MFSD6: variants seen among roughly 807,000 people sequenced by gnomAD.
MFSD6 encodes the protein major facilitator superfamily domain-containing protein 6.
Under a neutral mutation model 56.3 loss-of-function variants are expected in MFSD6, and 26 were observed. The ratio of observed to expected loss-of-function variants is 0.46; its 90% CI spans 0.34 to 0.64. The LOEUF (loss-of-function observed/expected upper bound fraction) is 0.64. Among genes scored for constraint, MFSD6 ranks in the 30% least tolerant of loss-of-function variants. The pLI, the probability that MFSD6 is intolerant of heterozygous loss-of-function variation, is 0.01. For missense variants in MFSD6, 750 were observed against 986.2 expected, an observed-to-expected ratio of 0.76 and a Z score of 3.21; for synonymous variants, 331 against 366.9, an observed-to-expected ratio of 0.90 and a Z score of 1.12.
chr2:190,430,869 G>T (rs1359502376), intron 2 of MFSD6, among the ~76,000 whole-genome samples: 1 of 148,998 alleles, frequency 6.7e-6, no homozygotes, highest in East Asian at 2.0e-4. Context: ...CCTCCCGGAC[G>T]GGGCGGCTGC....
intron 1 of MFSD6, chr2:190,411,436 G>T: frequency 7.1e-6 from 7 of 980,362 alleles, no homozygotes; most frequent in Non-Finnish European, 8.5e-6. Context: ...GGGATTACAG[G>T]CATGAGCCAC....
At chr2:190,476,346 C>G (rs543706472) in intron 4 of MFSD6, among the ~76,000 whole-genome samples, 47 of 151,210 alleles carry the variant, frequency 3.1e-4, no homozygotes, top group African/African-American at 1.1e-3. Flanking sequence ...ACAAAGAACT[C>G]AAACAAATTT....
chr2:190,444,146 G>A (rs979774593), intron 3 of MFSD6, among the ~76,000 whole-genome samples: 1 of 152,210 alleles, frequency 6.6e-6, no homozygotes, highest in African/African-American at 2.4e-5. Flanking sequence ...TGTAGGATAT[G>A]TGTAAAAAAA....
At chr2:190,460,494 T>C (rs1303768990) in intron 3 of MFSD6, among the ~76,000 whole-genome samples, 5 of 152,230 alleles carry the variant, frequency 3.3e-5, no homozygotes, top group African/African-American at 1.2e-4. Flanking sequence ...TTAATTGATA[T>C]TCTATTTGAA....
chr2:190,462,512 T>C lies in MFSD6; in HGVS notation c.1533-7246T>C, dbSNP rs561646743. On this transcript the variant is annotated intron_variant, in intron 3 of 7. Coordinates refer to ENST00000392328, the MANE Select transcript of MFSD6 (RefSeq NM_017694.4). This position sits in a 1 kb window ranked among gnomAD's most constrained non-coding sequence, Gnocchi z 5.7. ...TAAATGATGTTATGGATTCATGGAG[T>C]GCCTGAGCAAGGCAGGCTCTTTTTG... Among the ~76,000 whole-genome samples, 1 of 152,206 alleles carries C rather than the reference T, an allele frequency of 6.6e-6. No individual in the cohort carries two copies. Among genetic ancestry groups the C allele is most frequent in the Non-Finnish European group, 1.5e-5 (1 of 68,028 alleles).
intron 2 of MFSD6, among the ~76,000 whole-genome samples, chr2:190,430,257 G>C (rs985994293): frequency 6.6e-6 from 1 of 150,550 alleles, no homozygotes; most frequent in Non-Finnish European, 1.5e-5. Context: ...TCGCAGAGGG[G>C]GATTTGGCAG....
chr2:190,445,325 T>C (rs1686534946), intron 3 of MFSD6, among the ~76,000 whole-genome samples: 1 of 152,060 alleles, frequency 6.6e-6, no homozygotes, highest in African/African-American at 2.4e-5. Flanking sequence ...GGCATTTGAG[T>C]GTTAGTTCCA....
chr2:190,499,817 A>T lies in MFSD6; in HGVS notation c.2173-198A>T. ...TCTGCTTATAGTGTTTGTGTTTTTC[A>T]TGCGGCTCTGGCAGTTGCACATAGG... is the stretch of plus-strand genomic sequence containing the variant. On this transcript the variant is annotated intron_variant, in intron 7 of 7. Coordinates refer to ENST00000392328, the MANE Select transcript of MFSD6 (RefSeq NM_017694.4). The surrounding 1 kb of genome is among the most constrained non-coding windows in gnomAD (Gnocchi z 6.0). 6.5e-7 allele frequency: 1 copy of T among 1,534,090 alleles called. No homozygotes were observed. The highest frequency in any genetic ancestry group is 8.8e-7 in the Non-Finnish European group (1 of 1,136,700).
chr2:190,446,304 G>A (rs752983225), intron 3 of MFSD6, among the ~76,000 whole-genome samples: 1 of 152,188 alleles, frequency 6.6e-6, no homozygotes, highest in Non-Finnish European at 1.5e-5. Context: ...AAAGCCAGGT[G>A]GATGGACGCA....
rs1689441972 is a variant in MFSD6, at chr2:190,492,901, G to A, written c.1891+3035G>A. ...GCTCTAAATCTTGAAACAAATCCTG[G>A]AAACACATCCAAACAGAACCTCTTT... On this transcript the variant is annotated intron_variant, in intron 6 of 7. Transcript: ENST00000392328. The surrounding 1 kb of genome is among the most constrained non-coding windows in gnomAD (Gnocchi z 5.2). Among the ~76,000 whole-genome samples, 1 of 151,442 alleles carries A rather than the reference G, an allele frequency of 6.6e-6. No individual in the cohort carries two copies. The highest frequency in any genetic ancestry group is 2.4e-5 in the African/African-American group (1 of 41,132).
chr2:190,497,796 C>T lies in MFSD6; in HGVS notation c.2172+77C>T. The stretch of plus-strand genomic sequence containing the variant: ...AACTGGGCTCAGTTTTAATTACTCA[C>T]TTTTCATTCAACAAGATTTATTGAA... On this transcript the variant is annotated intron_variant, in intron 7 of 7. Transcript: ENST00000392328. This position sits in a 1 kb window ranked among gnomAD's most constrained non-coding sequence, Gnocchi z 5.2. The T allele has an allele frequency of 1.4e-6, 2 of 1,457,062 alleles. No individual in the cohort carries two copies. The highest frequency in any genetic ancestry group is 1.9e-6 in the Non-Finnish European group (2 of 1,072,546). The allele number at this position is 1,457,062 out of a possible 1,614,324, so 90.3% of individuals were successfully genotyped here. A position where few individuals can be genotyped will look rare whatever the true frequency, so the allele number is the denominator to read the frequency against.
At chr2:190,474,835 G>A (rs1285790259) in intron 4 of MFSD6, among the ~76,000 whole-genome samples, 4 of 152,124 alleles carry the variant, frequency 2.6e-5, no homozygotes, top group East Asian at 1.9e-4. Flanking sequence ...CTGGCAAACC[G>A]AATCCAGCAG....
chr2:190,415,426 A>G lies in MFSD6; in HGVS notation c.-54+13A>G, dbSNP rs1041275349. 1 of 151,856 alleles carries G rather than the reference A, an allele frequency of 6.6e-6. No homozygotes were observed. The highest frequency in any genetic ancestry group is 2.4e-5 in the African/African-American group (1 of 41,308). 9.4% of individuals were successfully genotyped at this position (151,856 alleles called of 1,614,324 possible). A position where few individuals can be genotyped will look rare whatever the true frequency, so the allele number is the denominator to read the frequency against. ...GCTAGAACTACAGGTATGAACCACC[A>G]TGCCTGACTCATTAAAAAAAAATTG... On this transcript the variant is annotated intron_variant, in intron 2 of 7. Coordinates refer to ENST00000392328, the MANE Select transcript of MFSD6 (RefSeq NM_017694.4). The surrounding 1 kb of genome is among the most constrained non-coding windows in gnomAD (Gnocchi z 4.5).
Position 190,451,274 on chromosome 2 carries a change from C to T in MFSD6, c.1532+13713C>T, listed in dbSNP as rs1487346182. On this transcript the variant is annotated intron_variant, in intron 3 of 7. Transcript: ENST00000392328. This position sits in a 1 kb window ranked among gnomAD's most constrained non-coding sequence, Gnocchi z 5.0. ...AGCCTCAGGTTCCTCATTGGTAAAA[C>T]GGGGCAATAATTATACCTAACTTCA... Among the ~76,000 whole-genome samples the T allele has an allele frequency of 2.0e-5, 3 of 152,116 alleles. No homozygotes were observed. Among genetic ancestry groups the T allele is most frequent in the African/African-American group, 4.8e-5 (2 of 41,416 alleles).
intron 3 of MFSD6, among the ~76,000 whole-genome samples, chr2:190,452,026 G>GTAC (rs1486457838): frequency 1.3e-5 from 2 of 151,160 alleles, no homozygotes; most frequent in African/African-American, 4.9e-5. Context: ...GATGATTCAT[G>GTAC]TACTATCTTT....
In MFSD6 at chr2:190,416,991, A is replaced by G. The variant is rs1690803864; in HGVS notation, c.-54+1578A>G. On this transcript the variant is annotated intron_variant, in intron 2 of 7. Transcript: ENST00000392328. This position sits in a 1 kb window ranked among gnomAD's most constrained non-coding sequence, Gnocchi z 4.1. ...ACAGTATTGAGAGCTTACAGGGGTA[A>G]AGGGCAATATGTTATGTTCTAGATT... is the stretch of plus-strand genomic sequence containing the variant. Among the ~76,000 whole-genome samples the G allele has an allele frequency of 6.6e-6, 1 of 152,128 alleles. No homozygotes were observed. Among genetic ancestry groups the G allele is most frequent in the African/African-American group, 2.4e-5 (1 of 41,430 alleles).
Position 190,434,010 on chromosome 2 carries a change from G to A in MFSD6, c.-53-1967G>A, listed in dbSNP as rs1265109359. On this transcript the variant is annotated intron_variant, in intron 2 of 7. Coordinates refer to ENST00000392328, the MANE Select transcript of MFSD6 (RefSeq NM_017694.4). This position sits in a 1 kb window ranked among gnomAD's most constrained non-coding sequence, Gnocchi z 4.3. ...GTTGGAGAACGGCCTGGGCAACATG[G>A]CAAAAACCCCATCTCTACAAAAATT... Among the ~76,000 whole-genome samples, 1 of 151,820 alleles carries A rather than the reference G, an allele frequency of 6.6e-6. No individual in the cohort carries two copies. Among genetic ancestry groups the A allele is most frequent in the Non-Finnish European group, 1.5e-5 (1 of 67,932 alleles).
chr2:190,423,489 A>G lies in MFSD6; in HGVS notation c.-54+8076A>G, dbSNP rs1369952003. ...TTGCTCCTTTTTATTGCTGCATAAT[A>G]TCCCATAGTAAAGCTGTAGTACAAT... On this transcript the variant is annotated intron_variant, in intron 2 of 7. Transcript: ENST00000392328. The surrounding 1 kb of genome is among the most constrained non-coding windows in gnomAD (Gnocchi z 4.3). 2.0e-5 allele frequency among the ~76,000 whole-genome samples: 3 copies of G among 152,226 alleles called. No homozygotes were observed. Among genetic ancestry groups the G allele is most frequent in the African/African-American group, 7.2e-5 (3 of 41,446 alleles).
intron 4 of MFSD6, among the ~76,000 whole-genome samples, chr2:190,476,806 T>C (rs969478400): frequency 2.0e-5 from 3 of 152,014 alleles, no homozygotes; most frequent in African/African-American, 4.8e-5. Flanking sequence ...AACCAACCCA[T>C]ATGTCCAACA....
Sources: gnomAD v4.1 joint callset for allele counts (sites outside exome capture counted in the v4.1 genomes callset) on GRCh38, gnomAD v4.1.1 for gene constraint, Gnocchi (gnomAD v3.1) non-coding constraint, MANE v1.5 for transcripts, NCBI Gene and HGNC (gene_info 2026-07-23, HGNC 2026-07-21) for gene names.